GRM8: variants seen among roughly 807,000 people sequenced by gnomAD.
GRM8 encodes the protein metabotropic glutamate receptor 8.
In GRM8, 47 loss-of-function variants were observed where a neutral mutation model predicts 87.2. That is an observed-to-expected ratio of 0.54 (90% CI 0.43 to 0.69). GRM8 has a LOEUF of 0.69. Ranked by LOEUF, GRM8 falls within the 30% of genes least tolerant of loss-of-function variation. The probability of loss-of-function intolerance (pLI) is 0.00; values close to 1 mark genes in which losing one functional copy is unlikely to be tolerated. For synonymous variants in GRM8, 396 were observed against 404.5 expected (o/e 0.98, Z 0.25); for missense variants, 1,019 against 1,139.2 (o/e 0.89, Z 1.52).
chr7:126,812,716 A>T (rs1793417392), intron 6 of GRM8, among the ~76,000 whole-genome samples: 1 of 151,994 alleles, frequency 6.6e-6, no homozygotes, highest in South Asian at 2.1e-4. Flanking sequence ...CCTCCAACTG[A>T]GGTACCATCA....
intron 2 of GRM8, chr7:127,118,134 A>T (rs531015166): frequency 1.3e-5 from 2 of 152,344 alleles, no homozygotes; most frequent in African/African-American, 4.8e-5. Context: ...ATTCTCATTT[A>T]CTTTCTGTTA....
intron 1 of GRM8, among the ~76,000 whole-genome samples, chr7:127,245,323 G>A (rs73231268): frequency 0.011 from 1,651 of 152,340 alleles, 18 homozygotes; most frequent in Middle Eastern, 0.024. Context: ...CCCTTGTTCT[G>A]ACAGAGTACA....
intron 3 of GRM8, among the ~76,000 whole-genome samples, chr7:127,093,838 A>T (rs2132938064): frequency 6.6e-6 from 1 of 152,336 alleles, no homozygotes; most frequent in Non-Finnish European, 1.5e-5. Flanking sequence ...GCACAGAACA[A>T]AGCCCAGTCT....
intron 2 of GRM8, among the ~76,000 whole-genome samples, chr7:127,216,036 T>C (rs1796505693): frequency 6.6e-6 from 1 of 152,206 alleles, no homozygotes; most frequent in African/African-American, 2.4e-5. Flanking sequence ...GATCAAATAA[T>C]GCAGAAACCA....
At chr7:127,004,025 T>C (rs1389585049) in intron 3 of GRM8, among the ~76,000 whole-genome samples, 1 of 151,752 alleles carries the variant, frequency 6.6e-6, no homozygotes, top group Non-Finnish European at 1.5e-5. Context: ...TCATTCTCAG[T>C]AAATTTTTTA....
chr7:126,831,726 G>A (rs4728055), intron 6 of GRM8, among the ~76,000 whole-genome samples: 58,130 of 151,962 alleles, frequency 0.38, 12,636 homozygotes, highest in Non-Finnish European at 0.49. Context: ...ACTCCCTAGT[G>A]AGATGAACCC....
chr7:127,120,196 A>G (rs1159498848), intron 2 of GRM8, among the ~76,000 whole-genome samples: 2 of 152,198 alleles, frequency 1.3e-5, no homozygotes, highest in Non-Finnish European at 2.9e-5. Context: ...TCATCTATGC[A>G]TGGCTTTGGT....
At chr7:127,158,329 C>T (rs946983691) in intron 2 of GRM8, among the ~76,000 whole-genome samples, 3 of 152,118 alleles carry the variant, frequency 2.0e-5, no homozygotes, top group African/African-American at 4.8e-5. Flanking sequence ...TTTTCCAGTT[C>T]AGACAAAGGA....
intron 9 of GRM8, among the ~76,000 whole-genome samples, chr7:126,470,177 T>C (rs1804991857): frequency 6.6e-6 from 1 of 152,032 alleles, no homozygotes; most frequent in Non-Finnish European, 1.5e-5. Context: ...CAGAAGAATT[T>C]CTTTTTTTTA....
At chr7:127,081,011 G>T (rs1334021354) in intron 3 of GRM8, 2 of 152,114 alleles carry the variant, frequency 1.3e-5, no homozygotes, top group Non-Finnish European at 2.9e-5. Flanking sequence ...TCATCATTCA[G>T]TATCCCCTTG....
chr7:126,691,898 A>G (rs1199896610), intron 7 of GRM8, among the ~76,000 whole-genome samples: 1 of 152,208 alleles, frequency 6.6e-6, no homozygotes, highest in Non-Finnish European at 1.5e-5. Flanking sequence ...TAGACTACCT[A>G]GATCTTCGGG....
chr7:126,484,108 A>T (rs1807069527), intron 9 of GRM8, among the ~76,000 whole-genome samples: 1 of 152,074 alleles, frequency 6.6e-6, no homozygotes, highest in South Asian at 2.1e-4. Context: ...GTCACAGTTC[A>T]AGTACTTGAT....
At chr7:127,198,299 A>G (rs1314496692) in intron 2 of GRM8, among the ~76,000 whole-genome samples, 2 of 152,224 alleles carry the variant, frequency 1.3e-5, no homozygotes, top group Admixed American at 1.3e-4. Context: ...CACAGATCAC[A>G]ATAAGATGCA....
chr7:127,080,520 T>C (rs1822740237), intron 3 of GRM8, among the ~76,000 whole-genome samples: 1 of 152,184 alleles, frequency 6.6e-6, no homozygotes, highest in Non-Finnish European at 1.5e-5. Flanking sequence ...ACTGAGAATG[T>C]ATAGTCTAAC....
intron 2 of GRM8, among the ~76,000 whole-genome samples, chr7:127,143,424 T>A (rs1255941909): frequency 6.6e-6 from 1 of 152,192 alleles, no homozygotes; most frequent in Non-Finnish European, 1.5e-5. Context: ...TAATATCCAG[T>A]GTGATACCTC....
At chr7:126,583,636 G>T (rs1241331960) in intron 8 of GRM8, among the ~76,000 whole-genome samples, 1 of 152,160 alleles carries the variant, frequency 6.6e-6, no homozygotes, top group Non-Finnish European at 1.5e-5. Context: ...GGAAGTAACT[G>T]TAGAAGTGAT....
chr7:126,997,416 T>C (rs1353137870), intron 3 of GRM8, among the ~76,000 whole-genome samples: 1 of 150,404 alleles, frequency 6.6e-6, no homozygotes, highest in Non-Finnish European at 1.5e-5. Context: ...CCCAAATTAT[T>C]AGAAGAAAAA....
intron 3 of GRM8, among the ~76,000 whole-genome samples, chr7:126,982,645 T>A (rs1024714134): frequency 3.9e-5 from 6 of 151,940 alleles, no homozygotes; most frequent in Non-Finnish European, 7.4e-5. Flanking sequence ...AATGAAGATA[T>A]TTTCTTAGTA....
chr7:127,084,195 A>T (rs185579405), intron 3 of GRM8: 1 of 152,312 alleles, frequency 6.6e-6, no homozygotes, highest in Non-Finnish European at 1.5e-5. Context: ...TTGATCTTTT[A>T]GGAGTTAAAA....
Sources: gnomAD v4.1 joint callset for allele counts (sites outside exome capture counted in the v4.1 genomes callset) on GRCh38, gnomAD v4.1.1 for gene constraint, MANE v1.5 for transcripts, NCBI Gene and HGNC (gene_info 2026-07-23, HGNC 2026-07-21) for gene names.